GNAQ: variants seen among roughly 807,000 people sequenced by gnomAD.
The protein encoded by GNAQ is guanine nucleotide-binding protein G(q) subunit alpha.
A neutral mutation model predicts 43.9 loss-of-function variants in GNAQ; 8 were observed. The ratio of observed to expected loss-of-function variants is 0.18; its 90% confidence interval spans 0.11 to 0.33. The LOEUF (loss-of-function observed/expected upper bound fraction) is 0.33, where lower values mean the gene tolerates loss of function less well. GNAQ is among the 10% of genes least tolerant of loss of function. GNAQ has a pLI of 1.00. For synonymous variants in GNAQ, 155 were observed against 170.7 expected, an observed-to-expected ratio of 0.91 and a Z score of 0.71; for missense variants, 158 against 450.8, an observed-to-expected ratio of 0.35 and a Z score of 5.88.
chr9:77,991,633 T>C (rs1823509008), intron 1 of GNAQ, among the ~76,000 whole-genome samples: 1 of 152,150 alleles, frequency 6.6e-6, no homozygotes, highest in African/African-American at 2.4e-5. Context: ...GTAAGTTCTT[T>C]AGAGGTGATT....
At chr9:78,028,175 A>G (rs1236636090) in intron 1 of GNAQ, among the ~76,000 whole-genome samples, 1 of 152,246 alleles carries the variant, frequency 6.6e-6, no homozygotes, top group East Asian at 1.9e-4. Flanking sequence ...ACAAAGAGTA[A>G]GTTTTGAGTG....
chr9:77,882,979 T>G (rs1030235752), intron 2 of GNAQ, among the ~76,000 whole-genome samples: 1 of 152,196 alleles, frequency 6.6e-6, no homozygotes, highest in Non-Finnish European at 1.5e-5. Flanking sequence ...CTAAAAGAGT[T>G]AGCACCCTTC....
chr9:77,915,240 C>T (rs539130085), intron 2 of GNAQ, among the ~76,000 whole-genome samples: 1 of 152,220 alleles, frequency 6.6e-6, no homozygotes, highest in African/African-American at 2.4e-5. Context: ...TTTTAGTATC[C>T]CATTTCAATG....
chr9:77,909,575 C>G (rs1828765912), intron 2 of GNAQ, among the ~76,000 whole-genome samples: 1 of 152,174 alleles, frequency 6.6e-6, no homozygotes, highest in South Asian at 2.1e-4. Context: ...AGCAGATAAC[C>G]TACCAGCCAA....
At chr9:78,026,291 T>G (rs1485080740) in intron 1 of GNAQ, among the ~76,000 whole-genome samples, 1 of 152,290 alleles carries the variant, frequency 6.6e-6, no homozygotes, top group East Asian at 1.9e-4. Context: ...ACGATGAATC[T>G]ACGTAGTTCA....
At chr9:77,781,569 TAC>T (rs1456221444) in intron 5 of GNAQ, among the ~76,000 whole-genome samples, 3 of 152,236 alleles carry the variant, frequency 2.0e-5, no homozygotes, top group East Asian at 1.9e-4. Flanking sequence ...CCGAGAAAGC[TAC>T]AGACCAGTAT....
At chr9:77,842,544 A>T (rs994929141) in intron 2 of GNAQ, among the ~76,000 whole-genome samples, 7 of 152,158 alleles carry the variant, frequency 4.6e-5, no homozygotes, top group Non-Finnish European at 8.8e-5. Context: ...TCTATTTGCT[A>T]TGTTTTGGAG....
chr9:77,853,548 C>T (rs952336013), intron 2 of GNAQ, among the ~76,000 whole-genome samples: 3 of 152,030 alleles, frequency 2.0e-5, no homozygotes, highest in African/African-American at 7.2e-5. Flanking sequence ...ACTAAGAACT[C>T]GACAGCCTTC....
intron 2 of GNAQ, among the ~76,000 whole-genome samples, chr9:77,840,147 G>C (rs1827463685): frequency 6.6e-6 from 1 of 152,118 alleles, no homozygotes; most frequent in South Asian, 2.1e-4. Flanking sequence ...TGGATGCATA[G>C]TGTATTCAGT....
chr9:77,948,748 T>C (rs979228727), intron 1 of GNAQ, among the ~76,000 whole-genome samples: 4 of 152,156 alleles, frequency 2.6e-5, no homozygotes, highest in Non-Finnish European at 5.9e-5. Context: ...TCCCTAGCAT[T>C]GTTTAGGAGA....
chr9:77,862,226 T>C (rs967129874), intron 2 of GNAQ, among the ~76,000 whole-genome samples: 1 of 152,048 alleles, frequency 6.6e-6, no homozygotes, highest in Non-Finnish European at 1.5e-5. Flanking sequence ...GGATCTCTTC[T>C]CACAGCTCCA....
At chr9:77,982,733 TAAAAA>T (rs562254223) in intron 1 of GNAQ, among the ~76,000 whole-genome samples, 1 of 121,804 alleles carries the variant, frequency 8.2e-6, no homozygotes, top group Non-Finnish European at 1.7e-5. Flanking sequence ...ATTCTATGTT[TAAAAA>T]AAAAAAAAAA....
chr9:77,759,067 C>T (rs1299916759), intron 5 of GNAQ, among the ~76,000 whole-genome samples: 2 of 152,014 alleles, frequency 1.3e-5, no homozygotes, highest in South Asian at 2.1e-4. Context: ...TGAATATGTA[C>T]GAGTCTCTAA....
At chr9:77,771,281 G>C (rs1202664567) in intron 5 of GNAQ, among the ~76,000 whole-genome samples, 3 of 152,200 alleles carry the variant, frequency 2.0e-5, no homozygotes, top group Non-Finnish European at 4.4e-5. Flanking sequence ...AGTTTGGGCT[G>C]CCATGGATTC....
intron 2 of GNAQ, among the ~76,000 whole-genome samples, chr9:77,876,353 A>G (rs1265529642): frequency 6.6e-6 from 1 of 152,190 alleles, no homozygotes; most frequent in African/African-American, 2.4e-5. Context: ...TCTAGCTCCA[A>G]CTGCATCCCT....
chr9:77,876,720 T>G (rs12555424), intron 2 of GNAQ, among the ~76,000 whole-genome samples: 26 of 152,210 alleles, frequency 1.7e-4, no homozygotes, highest in Non-Finnish European at 3.4e-4. Context: ...TGATAAGTAT[T>G]ATTAGGATCC....
At chr9:77,810,162 TCTATCTAC>T (rs1178926746) in intron 3 of GNAQ, among the ~76,000 whole-genome samples, 1 of 152,180 alleles carries the variant, frequency 6.6e-6, no homozygotes, top group Non-Finnish European at 1.5e-5. Context: ...TACTGATTCA[TCTATCTAC>T]CTATCTATCC....
At chr9:77,911,537 C>T (rs369042802) in intron 2 of GNAQ, among the ~76,000 whole-genome samples, 65 of 152,244 alleles carry the variant, frequency 4.3e-4, no homozygotes, top group Admixed American at 6.5e-4. Flanking sequence ...TACCTTCTGA[C>T]GTAACTTTAA....
chr9:77,791,008 T>C (rs924053253), intron 5 of GNAQ, among the ~76,000 whole-genome samples: 7 of 152,222 alleles, frequency 4.6e-5, no homozygotes, highest in Admixed American at 3.9e-4. Flanking sequence ...GATGAATACA[T>C]GTTTATGGAA....
Sources: allele counts gnomAD v4.1 joint callset (sites outside exome capture counted in the v4.1 genomes callset), GRCh38; gene constraint gnomAD v4.1.1; transcripts MANE v1.5; gene names NCBI Gene and HGNC (gene_info 2026-07-23, HGNC 2026-07-21).